Variants in RALY observed in about 807,000 individuals in gnomAD.
RALY encodes RALY heterogeneous nuclear ribonucleoprotein, also known as RNA-binding protein Raly.
In RALY, 15 loss-of-function variants were observed where a neutral mutation model predicts 30.7. The ratio of observed to expected loss-of-function variants is 0.49; its 90% CI spans 0.33 to 0.75. RALY has a LOEUF of 0.75. Among genes scored for constraint, RALY ranks in the 30% least tolerant of loss-of-function variants. RALY has a pLI of 0.02. For missense variants in RALY, 339 were observed against 414.3 expected (o/e 0.82, Z 1.58); for synonymous variants, 177 against 170.8 (o/e 1.04, Z -0.28).
At chr20:34,004,263 A>G (rs1032825061) in intron 1 of RALY, among the ~76,000 whole-genome samples, 4 of 152,208 alleles carry the variant, frequency 2.6e-5, no homozygotes, top group African/African-American at 9.6e-5. Context: ...GATAATGACC[A>G]TCTGTTGTCC....
At position 34,069,936 on chromosome 20, in the gene RALY, T is replaced by C. The variant is rs117825235; in HGVS notation, c.-9-2130T>C. On this transcript the variant is annotated intron_variant, in intron 2 of 9. Transcript: ENST00000246194. ...TGCACTGCTGACTCTAGTATATCCA[T>C]TGGGTTCACTTTAAGCCTAACCCTG... is the stretch of plus-strand genomic sequence containing the variant. Among the ~76,000 whole-genome samples the C allele has an allele frequency of 3.9e-3, 598 of 152,264 alleles. 5 individuals are homozygous for C. Among genetic ancestry groups the C allele is most frequent in the Admixed American group, 0.012 (176 of 15,300 alleles).
chr20:34,020,739 A>G (rs1390949583), intron 1 of RALY, among the ~76,000 whole-genome samples: 1 of 152,210 alleles, frequency 6.6e-6, no homozygotes, highest in Non-Finnish European at 1.5e-5. Context: ...CACAAAGCCT[A>G]ATTACTATCT....
chr20:34,060,326 A>G (rs368399875), intron 2 of RALY, among the ~76,000 whole-genome samples: 1 of 152,366 alleles, frequency 6.6e-6, no homozygotes, highest in East Asian at 1.9e-4. Flanking sequence ...CCAACATCAC[A>G]TTCAAAGGAA....
At chr20:34,027,017 C>T (rs1266328995) in intron 1 of RALY, among the ~76,000 whole-genome samples, 1 of 152,042 alleles carries the variant, frequency 6.6e-6, no homozygotes, top group African/African-American at 2.4e-5. Flanking sequence ...CCTACATGAC[C>T]CAAGACCCAT....
chr20:34,028,702 T>C (rs1032648727), intron 1 of RALY, among the ~76,000 whole-genome samples: 4 of 61,648 alleles, frequency 6.5e-5, no homozygotes, highest in African/African-American at 3.4e-4. Context: ...AGAGACTCCA[T>C]CTCAAAAAAA....
At chr20:34,020,091 GT>G (rs2031762774) in intron 1 of RALY, among the ~76,000 whole-genome samples, 1 of 152,176 alleles carries the variant, frequency 6.6e-6, no homozygotes, top group Non-Finnish European at 1.5e-5. Flanking sequence ...TGCCCACTGT[GT>G]ACCAGGTTCT....
At chr20:34,054,507 G>C (rs953995480) in intron 2 of RALY, among the ~76,000 whole-genome samples, 63 of 152,086 alleles carry the variant, frequency 4.1e-4, no homozygotes, top group Middle Eastern at 3.2e-3. Flanking sequence ...AAAACTCCTG[G>C]CCCCAGCCAC....
At chr20:33,997,776 T>C (rs1317304677) in intron 1 of RALY, among the ~76,000 whole-genome samples, 1 of 152,216 alleles carries the variant, frequency 6.6e-6, no homozygotes, top group Admixed American at 6.5e-5. Flanking sequence ...GAGTGGGCTC[T>C]TCATGTTTAT....
intron 2 of RALY, among the ~76,000 whole-genome samples, chr20:34,055,505 T>C (rs2033214999): frequency 6.6e-6 from 1 of 152,150 alleles, no homozygotes; most frequent in African/African-American, 2.4e-5. Context: ...ATTCAGCAGA[T>C]ACTCCCTAAG....
At chr20:33,999,902 T>C (rs1404644423) in intron 1 of RALY, among the ~76,000 whole-genome samples, 1 of 152,034 alleles carries the variant, frequency 6.6e-6, no homozygotes, top group Non-Finnish European at 1.5e-5. Context: ...AGATGACCCA[T>C]AAGGTCCCTT....
intron 1 of RALY, among the ~76,000 whole-genome samples, chr20:34,004,173 C>G (rs922197371): frequency 3.9e-5 from 6 of 152,094 alleles, no homozygotes; most frequent in African/African-American, 1.4e-4. Context: ...TTCCTTTGTA[C>G]ATGGAGGAGG....
chr20:34,078,961 G>A (rs1024896718), intron 9 of RALY, among the ~76,000 whole-genome samples: 1 of 152,182 alleles, frequency 6.6e-6, no homozygotes, highest in Non-Finnish European at 1.5e-5. Flanking sequence ...AGTGATTGAG[G>A]GAGCAATGTT....
intron 8 of RALY, 141 bp from the exon 9 acceptor site, chr20:34,078,364 C>G: frequency 1.5e-6 from 1 of 652,460 alleles, no homozygotes; most frequent in Non-Finnish European, 2.3e-6. Context: ...CATAGTCATT[C>G]CCCTTGGCTG....
intron 1 of RALY, among the ~76,000 whole-genome samples, chr20:34,004,270 G>T (rs1183525815): frequency 6.6e-6 from 1 of 152,168 alleles, no homozygotes; most frequent in Non-Finnish European, 1.5e-5. Context: ...ACCATCTGTT[G>T]TCCAGGACCA....
intron 2 of RALY, among the ~76,000 whole-genome samples, chr20:34,036,338 G>T (rs2032495888): frequency 6.6e-6 from 1 of 152,084 alleles, no homozygotes; most frequent in Non-Finnish European, 1.5e-5. Flanking sequence ...GTTGGATTTT[G>T]TTGATTTTAT....
chr20:34,025,070 C>T lies in RALY; in HGVS notation c.-92-6452C>T, dbSNP rs1271840101. ...GCCTTTGCCCTGTGCCAGTCTTTTA[C>T]TCCCTGTGTGTGGTCGGTTGTGAGC... is the stretch of plus-strand genomic sequence containing the variant. On this transcript the variant is annotated intron_variant, in intron 1 of 9. Coordinates refer to ENST00000246194, the MANE Select transcript of RALY (RefSeq NM_016732.3). Among the ~76,000 whole-genome samples the T allele has an allele frequency of 2.6e-5, 4 of 152,324 alleles. No homozygotes were observed. In the East Asian group the frequency reaches 7.7e-4, roughly 29 times the overall value.
intron 2 of RALY, among the ~76,000 whole-genome samples, chr20:34,063,897 T>C (rs1414041746): frequency 6.6e-6 from 1 of 151,996 alleles, no homozygotes. Flanking sequence ...CTACTTTGCT[T>C]GGGGAGTAGA....
chr20:34,013,588 C>T (rs1324670860), intron 1 of RALY, among the ~76,000 whole-genome samples: 1 of 152,090 alleles, frequency 6.6e-6, no homozygotes, highest in Non-Finnish European at 1.5e-5. Flanking sequence ...TCTTTCATAT[C>T]AATTCCAATG....
At chr20:34,079,637 C>A (rs539872364) in intron 9 of RALY, among the ~76,000 whole-genome samples, 1 of 152,318 alleles carries the variant, frequency 6.6e-6, no homozygotes, top group East Asian at 1.9e-4. Context: ...ATCCAGCCAT[C>A]CTGCTACACC....
Sources: allele counts gnomAD v4.1 joint callset (sites outside exome capture counted in the v4.1 genomes callset), GRCh38; gene constraint gnomAD v4.1.1; transcripts MANE v1.5; gene names NCBI Gene and HGNC (gene_info 2026-07-23, HGNC 2026-07-21).